Variants in CHST11 observed in about 807,000 individuals in gnomAD.
The protein encoded by CHST11 is carbohydrate sulfotransferase 11, also known as C4S-1.
A neutral mutation model predicts 30.4 loss-of-function variants in CHST11; 9 were observed. That is an observed-to-expected ratio of 0.30 (90% CI 0.18 to 0.52). The LOEUF (loss-of-function observed/expected upper bound fraction) is 0.52, where lower values mean the gene tolerates loss of function less well. CHST11 is among the 20% of genes least tolerant of loss of function. The probability of loss-of-function intolerance (pLI) is 0.97; values close to 1 mark genes in which losing one functional copy is unlikely to be tolerated. For synonymous variants in CHST11, 152 were observed against 187.8 expected (o/e 0.81, Z 1.56); for missense variants, 348 against 460.6 (o/e 0.76, Z 2.24).
At chr12:104,694,441 G>A (rs1475443082) in intron 2 of CHST11, among the ~76,000 whole-genome samples, 1 of 152,142 alleles carries the variant, frequency 6.6e-6, no homozygotes, top group Non-Finnish European at 1.5e-5. Flanking sequence ...GTTCAAAGGT[G>A]GCCAAGATGC....
intron 2 of CHST11, among the ~76,000 whole-genome samples, chr12:104,722,654 C>G (rs1430026734): frequency 3.9e-5 from 6 of 152,074 alleles, no homozygotes; most frequent in Non-Finnish European, 7.4e-5. Context: ...TTCCTGTGAT[C>G]TGGTTCTCTC....
intron 1 of CHST11, among the ~76,000 whole-genome samples, chr12:104,534,888 C>T (rs17035768): frequency 0.02 from 3,011 of 152,254 alleles, 101 homozygotes; most frequent in East Asian, 0.1. Flanking sequence ...ATTCTTTCTT[C>T]GCAGAAGCCA....
At chr12:104,734,227 T>C (rs1396674088) in intron 2 of CHST11, among the ~76,000 whole-genome samples, 1 of 152,248 alleles carries the variant, frequency 6.6e-6, no homozygotes. Flanking sequence ...ATTTTTCTTA[T>C]TTAAAAATTT....
chr12:104,562,207 TCAC>T (rs1194898809), intron 1 of CHST11, among the ~76,000 whole-genome samples: 4 of 152,034 alleles, frequency 2.6e-5, no homozygotes, highest in Non-Finnish European at 5.9e-5. Flanking sequence ...GAAATACGGG[TCAC>T]CACGGAGGAG....
intron 2 of CHST11, among the ~76,000 whole-genome samples, chr12:104,682,561 T>G (rs1020117070): frequency 1.1e-4 from 16 of 152,246 alleles, no homozygotes; most frequent in Non-Finnish European, 2.1e-4. Flanking sequence ...ACCCCAGTTT[T>G]GGTAACACCT....
chr12:104,583,721 C>CTCTCTTTTTTT (rs2038771504), intron 1 of CHST11, among the ~76,000 whole-genome samples: 3 of 10,084 alleles, frequency 3.0e-4, no homozygotes, highest in African/African-American at 3.4e-4. Flanking sequence ...AGATCTCTCT[C>CTCTCTTTTTTT]TTTTTTTTGA....
chr12:104,750,997 G>GAAAC (rs2040427391), intron 2 of CHST11, among the ~76,000 whole-genome samples: 1 of 151,512 alleles, frequency 6.6e-6, no homozygotes, highest in African/African-American at 2.5e-5. Context: ...TGTGTGCCTT[G>GAAAC]TTGTGGCAGG....
At chr12:104,694,600 G>A (rs2039927920) in intron 2 of CHST11, among the ~76,000 whole-genome samples, 1 of 152,170 alleles carries the variant, frequency 6.6e-6, no homozygotes, top group South Asian at 2.1e-4. Context: ...CGAAGCGGGT[G>A]ACTTCACCTG....
At chr12:104,742,257 A>G (rs2040353175) in intron 2 of CHST11, among the ~76,000 whole-genome samples, 1 of 152,198 alleles carries the variant, frequency 6.6e-6, no homozygotes, top group Non-Finnish European at 1.5e-5. Context: ...AATGAAGCCA[A>G]CTGGTTCAAA....
At chr12:104,478,839 A>G (rs1005222142) in intron 1 of CHST11, among the ~76,000 whole-genome samples, 2 of 152,192 alleles carry the variant, frequency 1.3e-5, no homozygotes, top group Non-Finnish European at 2.9e-5. Flanking sequence ...GACTGGAACC[A>G]TCTAGTCTCT....
At chr12:104,566,101 CA>C (rs1297781389) in intron 1 of CHST11, among the ~76,000 whole-genome samples, 1 of 152,088 alleles carries the variant, frequency 6.6e-6, no homozygotes, top group African/African-American at 2.4e-5. Flanking sequence ...CTGTGGCATG[CA>C]AAAAACAAGG....
At chr12:104,460,949 T>A (rs2037402401) in intron 1 of CHST11, among the ~76,000 whole-genome samples, 1 of 152,166 alleles carries the variant, frequency 6.6e-6, no homozygotes, top group African/African-American at 2.4e-5. Flanking sequence ...CCGATGTTTT[T>A]TGCACGGTGT....
At chr12:104,486,881 C>T (rs1300867073) in intron 1 of CHST11, among the ~76,000 whole-genome samples, 1 of 152,206 alleles carries the variant, frequency 6.6e-6, no homozygotes, top group Non-Finnish European at 1.5e-5. Flanking sequence ...TAGCCTTCTA[C>T]CCTTTGTTAC....
At chr12:104,690,447 C>A (rs1272619173) in intron 2 of CHST11, among the ~76,000 whole-genome samples, 1 of 152,188 alleles carries the variant, frequency 6.6e-6, no homozygotes, top group Non-Finnish European at 1.5e-5. Context: ...CTGATCCCCT[C>A]TTATATGAAA....
chr12:104,722,988 G>T (rs1002651783), intron 2 of CHST11, among the ~76,000 whole-genome samples: 7 of 152,126 alleles, frequency 4.6e-5, no homozygotes, highest in East Asian at 1.9e-4. Flanking sequence ...TTGTCCCTCA[G>T]TTCTCAGGGG....
intron 2 of CHST11, among the ~76,000 whole-genome samples, chr12:104,723,870 T>C (rs1163957103): frequency 6.6e-6 from 1 of 152,194 alleles, no homozygotes; most frequent in Non-Finnish European, 1.5e-5. Context: ...GAATGAAATT[T>C]TGACACAAGC....
chr12:104,541,676 T>C (rs1221883415), intron 1 of CHST11, among the ~76,000 whole-genome samples: 1 of 152,234 alleles, frequency 6.6e-6, no homozygotes, highest in Non-Finnish European at 1.5e-5. Flanking sequence ...TTGCTCCATC[T>C]CATGGGGAAA....
At chr12:104,736,694 C>T (rs184663529) in intron 2 of CHST11, among the ~76,000 whole-genome samples, 38 of 152,208 alleles carry the variant, frequency 2.5e-4, no homozygotes, top group African/African-American at 7.5e-4. Context: ...CTGATTTACC[C>T]GGAGTTGGCA....
intron 2 of CHST11, among the ~76,000 whole-genome samples, chr12:104,666,325 A>C (rs1013021372): frequency 6.6e-6 from 1 of 152,214 alleles, no homozygotes; most frequent in Non-Finnish European, 1.5e-5. Flanking sequence ...TTTGGATGCA[A>C]GCGAGAATGG....
Sources: allele counts gnomAD v4.1 joint callset (sites outside exome capture counted in the v4.1 genomes callset), GRCh38; gene constraint gnomAD v4.1.1; transcripts MANE v1.5; gene names NCBI Gene and HGNC (gene_info 2026-07-23, HGNC 2026-07-21).